Variants in TP53INP2 observed in about 807,000 individuals in gnomAD.
TP53INP2 encodes the protein tumor protein p53 inducible nuclear protein 2.
TP53INP2 carries 12 observed loss-of-function variants against 17.1 expected under a neutral mutation model. That is an observed-to-expected ratio of 0.70 (90% CI 0.45 to 1.14). The LOEUF is 1.14. Ranked by LOEUF, TP53INP2 falls within the 50% of genes most tolerant of loss-of-function variation. TP53INP2 has a pLI of 0.00. For missense variants in TP53INP2, 342 were observed against 330.9 expected, an observed-to-expected ratio of 1.03 and a Z score of -0.26; for synonymous variants, 145 against 147.3, an observed-to-expected ratio of 0.98 and a Z score of 0.12.
chr20:34,707,955 T>A (rs1414444553), intron 2 of TP53INP2, among the ~76,000 whole-genome samples: 1 of 151,832 alleles, frequency 6.6e-6, no homozygotes, highest in Non-Finnish European at 1.5e-5. Flanking sequence ...AGAGATGGGG[T>A]TCACCACGTT....
At position 34,712,028 on chromosome 20, in the gene TP53INP2, C is replaced by A. The variant is rs768328229; in HGVS notation, c.*1721C>A. The A allele has an allele frequency of 6.6e-6, 1 of 152,648 alleles. No individual in the cohort carries two copies. The highest frequency in any genetic ancestry group is 2.4e-5 in the African/African-American group (1 of 41,424). 9.5% of individuals were successfully genotyped at this position (152,648 alleles called of 1,614,324 possible). A position where few individuals can be genotyped will look rare whatever the true frequency, so the allele number is the denominator to read the frequency against. On this transcript the variant is annotated 3_prime_UTR_variant, in exon 5 of 5. Coordinates refer to ENST00000374810, the MANE Select transcript of TP53INP2 (RefSeq NM_021202.3). ...GGTATGTGGGGAAGGGATGGGGTAT[C>A]CCCATGGATGCTGGGATGAGGACAG...
chr20:34,704,489 G>T lies in TP53INP2; in HGVS notation c.-190G>T, dbSNP rs2146820338. 1 of 151,898 alleles carries T rather than the reference G, an allele frequency of 6.6e-6. No homozygotes were observed. Among genetic ancestry groups the T allele is most frequent in the East Asian group, 2.0e-4 (1 of 5,116 alleles). The allele number at this position is 151,898 out of a possible 1,614,324, so 9.4% of individuals were successfully genotyped here. Reference sequence around the variant, plus strand: ...CCCGCCGCACAACTACCTCAACGCCGTGCCGCCCCCCTCCCGCCCCCAGGT... The same window carrying T: ...CCCGCCGCACAACTACCTCAACGCCTTGCCGCCCCCCTCCCGCCCCCAGGT... On this transcript the variant is annotated 5_prime_UTR_variant, in exon 1 of 5. Coordinates refer to ENST00000374810, the MANE Select transcript of TP53INP2 (RefSeq NM_021202.3).
intron 3 of TP53INP2, 87 bp downstream of exon 3, chr20:34,708,950 A>C: frequency 6.5e-7 from 1 of 1,540,114 alleles, no homozygotes; most frequent in Non-Finnish European, 8.8e-7. Flanking sequence ...CTGCTGGGGG[A>C]CGGGGGAGTC....
Position 34,709,052 on chromosome 20 carries a change from TC to T in TP53INP2, c.125-180del, listed in dbSNP as rs1988073791. On this transcript the variant is annotated intron_variant, in intron 3 of 4. Coordinates refer to ENST00000374810, the MANE Select transcript of TP53INP2 (RefSeq NM_021202.3). The surrounding 1 kb of genome is among the most constrained non-coding windows in gnomAD (Gnocchi z 5.4). ...GCCCAGGAGAGGCCCGCACGTCAGG[TC>T]CCCTAGGGCAGCAGGGCGAGACGCC... 1.3e-5 allele frequency among the ~76,000 whole-genome samples: 2 copies of T among 151,632 alleles called. No homozygotes were observed. Among genetic ancestry groups the T allele is most frequent in the South Asian group, 4.2e-4 (2 of 4,808 alleles).
Position 34,708,845 on chromosome 20 carries a change from C to G in TP53INP2, c.106C>G (p.Leu36Val), listed in dbSNP as rs780666422. 1.3e-5 allele frequency: 21 copies of G among 1,613,544 alleles called. No homozygotes were observed. In the East Asian group the frequency reaches 4.2e-4, roughly 33 times the overall value. ...VSEEDEVDGW[L>V]IIDLPDSYAA... ...GGAGGAGGATGAAGTGGACGGCTGG[C>G]TCATCATTGACCTGCCGGGTGAGGC... is the stretch of plus-strand genomic sequence containing the variant. The change falls in exon 3 of 5, where the codon CTC (leucine) becomes GTC (valine). Residue 36 changes from leucine to valine, a missense_variant. Physicochemically the swap from Leu to Val is conservative, Grantham distance 32. Coordinates refer to ENST00000374810, the MANE Select transcript of TP53INP2 (RefSeq NM_021202.3).
At chr20:34,708,487 A>G (rs1457184044) in intron 2 of TP53INP2, among the ~76,000 whole-genome samples, 1 of 152,130 alleles carries the variant, frequency 6.6e-6, no homozygotes, top group African/African-American at 2.4e-5. Flanking sequence ...GATAAGTTAA[A>G]TAACTTTCTA....
intron 2 of TP53INP2, among the ~76,000 whole-genome samples, chr20:34,706,015 C>T (rs1038687994): frequency 6.6e-6 from 1 of 152,150 alleles, no homozygotes; most frequent in Admixed American, 6.5e-5. Context: ...GGAGCTTTTC[C>T]CCTGAGCCTC....
In TP53INP2 at chr20:34,709,643, G is replaced by A; in HGVS notation, c.413+119G>A. On this transcript the variant is annotated intron_variant, in intron 4 of 4. Transcript: ENST00000374810. The surrounding 1 kb of genome is among the most constrained non-coding windows in gnomAD (Gnocchi z 5.4). ...CCCGCCCCGCGCTCGAGGGGGTAGC[G>A]GCCTTGGGAGGGTTGCCTTTGAGAC... is the stretch of plus-strand genomic sequence containing the variant. 1 of 1,439,456 alleles carries A rather than the reference G, an allele frequency of 6.9e-7. No homozygotes were observed. The highest frequency in any genetic ancestry group is 1.5e-5 in the South Asian group (1 of 67,798). 89.2% of individuals were successfully genotyped at this position (1,439,456 alleles called of 1,614,324 possible). A position where few individuals can be genotyped will look rare whatever the true frequency, so the allele number is the denominator to read the frequency against.
Position 34,709,714 on chromosome 20 carries a change from T to C in TP53INP2, c.413+190T>C, listed in dbSNP as rs1407084258. 4.6e-5 allele frequency among the ~76,000 whole-genome samples: 7 copies of C among 150,846 alleles called. No individual in the cohort carries two copies. Among genetic ancestry groups the C allele is most frequent in the African/African-American group, 1.7e-4 (7 of 40,956 alleles). ...CTCCGGGCGAGGCTAGAAGCGGGCC[T>C]GAGGACGGAGGGGCGGGGCTTGAGA... is the stretch of plus-strand genomic sequence containing the variant. On this transcript the variant is annotated intron_variant, in intron 4 of 4. Transcript: ENST00000374810. The surrounding 1 kb of genome is among the most constrained non-coding windows in gnomAD (Gnocchi z 5.4).
At chr20:34,707,611 G>A (rs1244132143) in intron 2 of TP53INP2, among the ~76,000 whole-genome samples, 1 of 152,128 alleles carries the variant, frequency 6.6e-6, no homozygotes, top group Non-Finnish European at 1.5e-5. Flanking sequence ...CTGATTGTGT[G>A]GATTCAATCC....
Position 34,710,448 on chromosome 20 carries a change from A to G in TP53INP2, c.*141A>G. The G allele has an allele frequency of 1.1e-6, 1 of 937,428 alleles. No homozygotes were observed. The highest frequency in any genetic ancestry group is 1.4e-6 in the Non-Finnish European group (1 of 715,924). The allele number at this position is 937,428 out of a possible 1,614,324, so 58.1% of individuals were successfully genotyped here. On this transcript the variant is annotated 3_prime_UTR_variant, in exon 5 of 5. Coordinates refer to ENST00000374810, the MANE Select transcript of TP53INP2 (RefSeq NM_021202.3). The surrounding 1 kb of genome is among the most constrained non-coding windows in gnomAD (Gnocchi z 4.9). ...AGCCGTTCCTTCCCCGACACCCTCA[A>G]TTTCCCCATCTCTGATCCTCTAATC...
intron 2 of TP53INP2, among the ~76,000 whole-genome samples, chr20:34,707,112 T>C (rs1988020672): frequency 6.6e-6 from 1 of 152,090 alleles, no homozygotes; most frequent in African/African-American, 2.4e-5. Context: ...TCGGTCTGGG[T>C]CCAACCCTCA....
At chr20:34,706,850 A>AC (rs1473163896) in intron 2 of TP53INP2, among the ~76,000 whole-genome samples, 2 of 152,178 alleles carry the variant, frequency 1.3e-5, no homozygotes, top group African/African-American at 2.4e-5. Context: ...GTGTGGAAAC[A>AC]CCCTTAGAGA....
At chr20:34,707,470 A>G (rs1988028640) in intron 2 of TP53INP2, among the ~76,000 whole-genome samples, 1 of 152,114 alleles carries the variant, frequency 6.6e-6, no homozygotes, top group African/African-American at 2.4e-5. Flanking sequence ...CATGATGAAA[A>G]CCAAGGTCCT....
rs199628000 is a variant in TP53INP2, at chr20:34,708,725, G to T, written c.-15G>T. On this transcript the variant is annotated 5_prime_UTR_variant, in exon 3 of 5. Coordinates refer to ENST00000374810, the MANE Select transcript of TP53INP2 (RefSeq NM_021202.3). ...CTGCCATAGGGCGCCCCCGTGAGGC[G>T]CTTCGCCCCCCACCATGTTCCAGCG... The T allele has an allele frequency of 2.6e-6, 4 of 1,565,738 alleles. No individual in the cohort carries two copies. The highest frequency in any genetic ancestry group is 1.9e-4 in the Middle Eastern group (1 of 5,154).
chr20:34,709,467 C>T lies in TP53INP2; in HGVS notation c.356C>T (p.Pro119Leu). The T allele has an allele frequency of 6.2e-7, 1 of 1,613,400 alleles. No individual in the cohort carries two copies. The highest frequency in any genetic ancestry group is 8.5e-7 in the Non-Finnish European group (1 of 1,179,852). ...YVTGSTIVLE[P>L]GSPSPLPDAA... ...ACCGGCAGCACCATAGTGCTAGAGC[C>T]CGGGTCCCCTTCCCCGCTCCCGGAC... The change falls in exon 4 of 5, where the codon CCC becomes CTC. Residue 119 changes from proline (P) to leucine (L), a missense_variant. Pro to Leu is a moderately conservative substitution (Grantham distance 98). Transcript: ENST00000374810. This position sits in a 1 kb window ranked among gnomAD's most constrained non-coding sequence, Gnocchi z 5.4.
At chr20:34,708,060 C>T (rs957664893) in intron 2 of TP53INP2, among the ~76,000 whole-genome samples, 2 of 152,162 alleles carry the variant, frequency 1.3e-5, no homozygotes, top group Admixed American at 1.3e-4. Context: ...TGTGCCCGGC[C>T]TAGCTATATT....
At chr20:34,706,758 G>T (rs1044451767) in intron 2 of TP53INP2, among the ~76,000 whole-genome samples, 1 of 152,210 alleles carries the variant, frequency 6.6e-6, no homozygotes, top group Non-Finnish European at 1.5e-5. Flanking sequence ...AATAAGCATG[G>T]CAATACTGCA....
Position 34,712,391 on chromosome 20 carries a change from T to A in TP53INP2, c.*2084T>A, listed in dbSNP as rs1415999192. 1 of 152,604 alleles carries A rather than the reference T, an allele frequency of 6.6e-6. No individual in the cohort carries two copies. The highest frequency in any genetic ancestry group is 1.5e-5 in the Non-Finnish European group (1 of 68,040). 9.5% of individuals were successfully genotyped at this position (152,604 alleles called of 1,614,324 possible). A position where few individuals can be genotyped will look rare whatever the true frequency, so the allele number is the denominator to read the frequency against. The stretch of plus-strand genomic sequence containing the variant: ...AAGTTATAGGGCATTTGGCTCAAAT[T>A]TTAAAAGGCCTTTTGTTTACCTATA... On this transcript the variant is annotated 3_prime_UTR_variant, in exon 5 of 5. Transcript: ENST00000374810.
Sources: allele counts gnomAD v4.1 joint callset (sites outside exome capture counted in the v4.1 genomes callset), GRCh38; gene constraint gnomAD v4.1.1; non-coding constraint Gnocchi (gnomAD v3.1); transcripts MANE v1.5; gene names NCBI Gene and HGNC (gene_info 2026-07-23, HGNC 2026-07-21).